The following CRPPA variants were observed in gnomAD, a reference collection of about 807,000 sequenced individuals.
CRPPA encodes the protein CDP-L-ribitol pyrophosphorylase A.
Under a neutral mutation model 52.0 loss-of-function variants are expected in CRPPA, and 43 were observed. The observed-to-expected ratio is 0.83, with a 90% CI of 0.65 to 1.07. CRPPA has a LOEUF of 1.07. CRPPA is among the 50% of genes least tolerant of loss of function. The pLI is 0.00. For missense variants in CRPPA, 629 were observed against 551.7 expected (o/e 1.14, Z -1.40); for synonymous variants, 250 against 203.5 (o/e 1.23, Z -1.94).
intron 3 of CRPPA, among the ~76,000 whole-genome samples, chr7:16,328,579 A>G (rs1252462620): frequency 6.6e-6 from 1 of 152,006 alleles, no homozygotes; most frequent in Non-Finnish European, 1.5e-5. Context: ...CAGTGGTGTG[A>G]TCTTGGCTCA....
chr7:16,231,115 T>C (rs1782783045), intron 8 of CRPPA, among the ~76,000 whole-genome samples: 1 of 152,130 alleles, frequency 6.6e-6, no homozygotes, highest in African/African-American at 2.4e-5. Flanking sequence ...CAAGGTAAAA[T>C]CTTATGCTCA....
intron 9 of CRPPA, among the ~76,000 whole-genome samples, chr7:16,106,296 A>G (rs1399383130): frequency 6.6e-6 from 1 of 152,230 alleles, no homozygotes. Context: ...TCTAAAGAGC[A>G]TAGCCTCTCT....
intron 9 of CRPPA, among the ~76,000 whole-genome samples, chr7:16,192,631 T>C (rs1781638341): frequency 6.6e-6 from 1 of 152,144 alleles, no homozygotes; most frequent in Non-Finnish European, 1.5e-5. Flanking sequence ...CAAATCTTTC[T>C]TAAATGGTTT....
rs57024916 is a variant in CRPPA at position 16,387,044 on chromosome 7, GATATATATATATATATATAT to G, written c.535-10823_535-10804del. Among the ~76,000 whole-genome samples the G allele has an allele frequency of 1.5e-3, 145 of 96,020 alleles. 1 individual carries two copies. Among genetic ancestry groups the G allele is most frequent in the African/African-American group, 5.0e-3 (103 of 20,684 alleles). The allele number at this position is 96,020 out of a possible 152,430, so 63.0% of individuals were successfully genotyped here. On this transcript the variant is annotated intron_variant, in intron 2 of 9. Coordinates refer to ENST00000407010, the MANE Select transcript of CRPPA (RefSeq NM_001101426.4). ...TATTTTTAATTTAAAATAAAAAAAAGATATATATATATATATATATATATATATATATATATATATATACA... is the reference window on the plus strand; with the variant it reads ...TATTTTTAATTTAAAATAAAAAAAAGATATATATATATATATATATATACA...
rs547473863 is a variant in CRPPA at position 16,278,181 on chromosome 7, T to C, written c.881A>G (p.Asp294Gly). 219 of 1,583,684 alleles carry C rather than the reference T, an allele frequency of 1.4e-4. No individual in the cohort carries two copies. The highest frequency in any genetic ancestry group is 1.8e-4 in the Non-Finnish European group (207 of 1,159,046). ...AAGAAGATGACCTACATGTTTGTTATCTTCTTCTGTATCCATAACTACACA... is the reference window on the plus strand; with the variant it reads ...AAGAAGATGACCTACATGTTTGTTACCTTCTTCTGTATCCATAACTACACA... The part of the protein sequence containing the change: ...EICVVMDTEE[D>G]NKHVGHLLEE... Residue 294 changes from aspartate to glycine, a missense_variant, in exon 6 of 10, where the codon GAT becomes GGT. Transcript: ENST00000407010.
chr7:16,196,655 G>C (rs1781743096), intron 9 of CRPPA, among the ~76,000 whole-genome samples: 1 of 152,126 alleles, frequency 6.6e-6, no homozygotes, highest in Non-Finnish European at 1.5e-5. Context: ...AGTATCTAGA[G>C]AAAGACACTC....
chr7:16,168,907 G>A (rs1290903875), intron 9 of CRPPA, among the ~76,000 whole-genome samples: 1 of 152,168 alleles, frequency 6.6e-6, no homozygotes, highest in Non-Finnish European at 1.5e-5. Flanking sequence ...ATTTGGCTGA[G>A]TGTACCTGAA....
At chr7:16,209,075 A>G (rs1782046934) in intron 9 of CRPPA, 2 of 391,450 alleles carry the variant, frequency 5.1e-6, no homozygotes, top group Non-Finnish European at 1.0e-5. Flanking sequence ...TATGACAGAT[A>G]GCAGGGTGGC....
intron 3 of CRPPA, among the ~76,000 whole-genome samples, chr7:16,351,798 C>G (rs1786161791): frequency 6.6e-6 from 1 of 152,120 alleles, no homozygotes; most frequent in African/African-American, 2.4e-5. Context: ...AAGAAGAAAG[C>G]TTTTACATTG....
Position 16,376,125 on chromosome 7 carries a change from A to G in CRPPA, c.651T>C (p.Phe217=). Residue 217 remains phenylalanine (F), a synonymous_variant, in exon 3 of 10, where the codon TTT becomes TTC. Transcript: ENST00000407010. ...RHRASEMPQA[F]LFDVIYEAYQ... ...ATGCTTCATAAATCACATCAAATAG[A>G]AAAGCTTGGGGCATTTCACTTGCTC... is the stretch of plus-strand genomic sequence containing the variant. 1 of 1,608,716 alleles carries G rather than the reference A, an allele frequency of 6.2e-7. No individual in the cohort carries two copies. The highest frequency in any genetic ancestry group is 8.5e-7 in the Non-Finnish European group (1 of 1,177,462).
At chr7:16,369,227 A>T (rs955822256) in intron 3 of CRPPA, among the ~76,000 whole-genome samples, 1 of 152,192 alleles carries the variant, frequency 6.6e-6, no homozygotes, top group South Asian at 2.1e-4. Context: ...GGCTCCCAAC[A>T]CTAAAGATTT....
chr7:16,099,503 A>AAAGGGAAGGAAAGAGGGAAGGAG (rs1782000801), intron 9 of CRPPA, among the ~76,000 whole-genome samples: 3 of 150,892 alleles, frequency 2.0e-5, no homozygotes, highest in Admixed American at 2.0e-4. Context: ...AGGGAAGGGA[A>AAAGGGAAGGAAAGAGGGAAGGAG]AAGGGAAGGA....
chr7:16,089,525 G>T lies in CRPPA; in HGVS notation c.*2170C>A, dbSNP rs1254885680. ...TACATACATAGATATGGGTATATAT[G>T]TACGTACATACATATATATGTATAT... On this transcript the variant is annotated 3_prime_UTR_variant, in exon 10 of 10. Transcript: ENST00000407010. 1 of 270,572 alleles carries T rather than the reference G, an allele frequency of 3.7e-6. No individual in the cohort carries two copies. The highest frequency in any genetic ancestry group is 8.0e-6 in the Non-Finnish European group (1 of 124,972). The allele number at this position is 270,572 out of a possible 1,614,324, so 16.8% of individuals were successfully genotyped here.
intron 9 of CRPPA, among the ~76,000 whole-genome samples, chr7:16,102,194 C>A (rs867250007): frequency 3.3e-5 from 5 of 151,902 alleles, no homozygotes; most frequent in South Asian, 2.1e-4. Context: ...CTGACAAAAA[C>A]AATCAATGGG....
At chr7:16,334,526 C>T (rs547987418) in intron 3 of CRPPA, among the ~76,000 whole-genome samples, 3 of 152,256 alleles carry the variant, frequency 2.0e-5, no homozygotes, top group South Asian at 2.1e-4. Context: ...CCATCCTATG[C>T]GGCAATCCCA....
At chr7:16,270,843 G>C (rs1030459268) in intron 6 of CRPPA, among the ~76,000 whole-genome samples, 44 of 152,210 alleles carry the variant, frequency 2.9e-4, no homozygotes, top group African/African-American at 1.1e-3. Context: ...TTAGGATGCT[G>C]CTGTGGCTTA....
intron 3 of CRPPA, among the ~76,000 whole-genome samples, chr7:16,330,610 G>C (rs1417479997): frequency 1.3e-5 from 2 of 152,114 alleles, no homozygotes; most frequent in African/African-American, 4.8e-5. Context: ...TAAAAACTCC[G>C]GGAAAACCCA....
intron 3 of CRPPA, among the ~76,000 whole-genome samples, chr7:16,313,250 G>A (rs2128425757): frequency 6.6e-6 from 1 of 151,988 alleles, no homozygotes; most frequent in East Asian, 1.9e-4. Context: ...TTTAACAGAT[G>A]TTGCCTTATT....
intron 3 of CRPPA, among the ~76,000 whole-genome samples, chr7:16,310,514 A>T (rs1384530926): frequency 6.6e-6 from 1 of 152,220 alleles, no homozygotes; most frequent in Non-Finnish European, 1.5e-5. Context: ...TCGAAACTGC[A>T]ATTTTTTAAA....
Sources: gnomAD v4.1 joint callset for allele counts (sites outside exome capture counted in the v4.1 genomes callset) on GRCh38, gnomAD v4.1.1 for gene constraint, MANE v1.5 for transcripts, NCBI Gene and HGNC (gene_info 2026-07-23, HGNC 2026-07-21) for gene names.